ATP8B1: variants seen among roughly 807,000 people sequenced by gnomAD.
ATP8B1 encodes the protein ATPase phospholipid transporting 8B1, also known as phospholipid-transporting ATPase IC.
Under a neutral mutation model 149.9 loss-of-function variants are expected in ATP8B1, and 80 were observed. That is an observed-to-expected ratio of 0.53 (90% CI 0.45 to 0.64). ATP8B1 has a LOEUF of 0.64. Among genes scored for constraint, ATP8B1 ranks in the 30% least tolerant of loss-of-function variants. The pLI, the probability that ATP8B1 is intolerant of heterozygous loss-of-function variation, is 0.00. For missense variants in ATP8B1, 1,247 were observed against 1,552.6 expected, an observed-to-expected ratio of 0.80 and a Z score of 3.31; for synonymous variants, 536 against 562.8, an observed-to-expected ratio of 0.95 and a Z score of 0.67.
Position 57,694,453 on chromosome 18 carries a change from C to T in ATP8B1, c.1029+129G>A, listed in dbSNP as rs149526643. On this transcript the variant is annotated intron_variant, in intron 11 of 27. Transcript: ENST00000648908. Reference sequence around the variant, plus strand: ...AAATCCCTTCTTCCTGCATTTGAAGCTTGGAGTGCCCAATAATTTTTCTAT... The same window carrying T: ...AAATCCCTTCTTCCTGCATTTGAAGTTTGGAGTGCCCAATAATTTTTCTAT... 6.0e-6 allele frequency: 4 copies of T among 665,396 alleles called. No individual in the cohort carries two copies. In the African/African-American group the frequency reaches 7.3e-5, roughly 12 times the overall value. 41.2% of individuals were successfully genotyped at this position (665,396 alleles called of 1,614,324 possible).
At chr18:57,672,926 AT>A (rs1568189377) in intron 16 of ATP8B1, among the ~76,000 whole-genome samples, 4,813 of 46,488 alleles carry the variant, frequency 0.1, 628 homozygotes, top group East Asian at 0.2. Context: ...ATATATATAT[AT>A]ATATAACATG....
At chr18:57,756,621 A>C (rs1357552826) in intron 1 of ATP8B1, among the ~76,000 whole-genome samples, 1 of 151,376 alleles carries the variant, frequency 6.6e-6, no homozygotes, top group Non-Finnish European at 1.5e-5. Flanking sequence ...TTTGTCATTT[A>C]CAACACTGAC....
At chr18:57,717,420 C>T (rs925554242) in intron 2 of ATP8B1, among the ~76,000 whole-genome samples, 1 of 150,678 alleles carries the variant, frequency 6.6e-6, no homozygotes, top group African/African-American at 2.4e-5. Context: ...CAGTGGCGGG[C>T]ACCTGTAGTC....
chr18:57,719,838 A>C (rs1163460698), intron 2 of ATP8B1, among the ~76,000 whole-genome samples: 1 of 152,214 alleles, frequency 6.6e-6, no homozygotes, highest in African/African-American at 2.4e-5. Context: ...GCAGACTTAA[A>C]TGTCCCTGTC....
intron 14 of ATP8B1, among the ~76,000 whole-genome samples, 173 bp from the exon 15 acceptor site, chr18:57,684,365 C>G (rs77160971): frequency 6.6e-6 from 1 of 151,290 alleles, no homozygotes; most frequent in Non-Finnish European, 1.5e-5. Flanking sequence ...AAAGCTCCCC[C>G]CCTTTTTTTT....
chr18:57,694,128 C>T (rs1454017870), intron 11 of ATP8B1, among the ~76,000 whole-genome samples: 1 of 152,052 alleles, frequency 6.6e-6, no homozygotes, highest in East Asian at 1.9e-4. Flanking sequence ...TCTTGAGTGT[C>T]CTCGACATAC....
intron 21 of ATP8B1, among the ~76,000 whole-genome samples, chr18:57,661,895 A>AT (rs1910471063): frequency 1.3e-5 from 2 of 150,992 alleles, no homozygotes; most frequent in African/African-American, 2.4e-5. Context: ...TTTTTTTTGT[A>AT]TTTTAGTAGA....
At chr18:57,797,703 CTTTTTTTTTTTT>C (rs59261353) in intron 1 of ATP8B1, among the ~76,000 whole-genome samples, 5 of 96,288 alleles carry the variant, frequency 5.2e-5, no homozygotes, top group Non-Finnish European at 7.9e-5. Context: ...TTCTTTCTTT[CTTTTTTTTTTTT>C]TTTTTTTTTT....
intron 14 of ATP8B1, 142 bp from the exon 15 acceptor site, chr18:57,684,334 G>A: frequency 2.2e-6 from 2 of 893,478 alleles, no homozygotes; most frequent in Admixed American, 2.6e-5. Flanking sequence ...ATGTCAAGAG[G>A]CTCACAACTG....
chr18:57,692,057 C>A, intron 11 of ATP8B1, 60 bp from the exon 12 acceptor site: 1 of 1,562,520 alleles, frequency 6.4e-7, no homozygotes, highest in South Asian at 1.2e-5. Flanking sequence ...TCTTGCATTT[C>A]CTAGATGCTA....
chr18:57,753,533 C>T (rs148374759), intron 1 of ATP8B1, among the ~76,000 whole-genome samples: 2 of 152,358 alleles, frequency 1.3e-5, no homozygotes, highest in East Asian at 3.9e-4. Flanking sequence ...CCAACACAGG[C>T]TCTGAAGGGA....
chr18:57,674,882 G>T lies in ATP8B1; in HGVS notation c.1771C>A (p.Leu591Ile). 1 of 1,614,218 alleles carries T rather than the reference G, an allele frequency of 6.2e-7. No homozygotes were observed. The highest frequency in any genetic ancestry group is 1.1e-5 in the South Asian group (1 of 91,078). ...ELGTERTYNV[L>I]AILDFNSDRK... ...TCACTGTTGAAGTCCAAAATGGCAA[G>T]AACATTGTAAGTCCTTTCAGTGCCC... Residue 591 changes from leucine to isoleucine, a missense_variant, in exon 16 of 28, where the codon CTT (leucine) becomes ATT (isoleucine). By Grantham distance (5) the Leu-to-Ile change is conservative. Transcript: ENST00000648908.
intron 1 of ATP8B1, among the ~76,000 whole-genome samples, chr18:57,778,746 G>A (rs953431063): frequency 5.3e-5 from 8 of 152,104 alleles, no homozygotes; most frequent in African/African-American, 1.4e-4. Context: ...GTCTCTCCAT[G>A]GGGCAGCTGG....
intron 2 of ATP8B1, chr18:57,708,478 C>T (rs963544759): frequency 6.6e-6 from 1 of 152,160 alleles, no homozygotes; most frequent in East Asian, 1.9e-4. Flanking sequence ...GTAGATAAGA[C>T]CTTACATAAG....
chr18:57,762,119 A>T (rs933084287), intron 1 of ATP8B1, among the ~76,000 whole-genome samples: 1 of 117,282 alleles, frequency 8.5e-6, no homozygotes, highest in Non-Finnish European at 1.9e-5. Flanking sequence ...AGATACACAC[A>T]CACACACATA....
chr18:57,773,196 T>G (rs2080277971), intron 1 of ATP8B1, among the ~76,000 whole-genome samples: 2 of 65,958 alleles, frequency 3.0e-5, no homozygotes, highest in Admixed American at 1.8e-4. Flanking sequence ...AGCGAGACTC[T>G]GTCTTAAAAA....
intron 1 of ATP8B1, among the ~76,000 whole-genome samples, chr18:57,733,014 C>T (rs1894723306): frequency 6.6e-6 from 1 of 152,182 alleles, no homozygotes; most frequent in African/African-American, 2.4e-5. Flanking sequence ...CAGGAACACT[C>T]CCTAGCCTTT....
chr18:57,756,797 A>G (rs2080089714), intron 1 of ATP8B1, among the ~76,000 whole-genome samples: 1 of 152,166 alleles, frequency 6.6e-6, no homozygotes, highest in Non-Finnish European at 1.5e-5. Context: ...TGACATCTGG[A>G]GGCACGTGAG....
At chr18:57,766,356 T>C (rs979979857) in intron 1 of ATP8B1, among the ~76,000 whole-genome samples, 14 of 152,106 alleles carry the variant, frequency 9.2e-5, no homozygotes, top group African/African-American at 3.4e-4. Context: ...CTTTATCTCC[T>C]TTGGAGAAAG....
Sources: gnomAD v4.1 joint callset for allele counts (sites outside exome capture counted in the v4.1 genomes callset) on GRCh38, gnomAD v4.1.1 for gene constraint, MANE v1.5 for transcripts, NCBI Gene and HGNC (gene_info 2026-07-23, HGNC 2026-07-21) for gene names.